PDE1C: variants seen among roughly 807,000 people sequenced by gnomAD.
PDE1C encodes dual specificity calcium/calmodulin-dependent 3',5'-cyclic nucleotide phosphodiesterase 1C.
In PDE1C, 62 loss-of-function variants were observed where a neutral mutation model predicts 93.1. That is an observed-to-expected ratio of 0.67 (90% CI 0.54 to 0.82). The LOEUF (loss-of-function observed/expected upper bound fraction) is 0.82, where lower values mean the gene tolerates loss of function less well. Ranked by LOEUF, PDE1C falls within the 40% of genes least tolerant of loss-of-function variation. PDE1C has a pLI of 0.00. For missense variants in PDE1C, 742 were observed against 884.6 expected (o/e 0.84, Z 2.04); for synonymous variants, 325 against 310.1 (o/e 1.05, Z -0.50).
At chr7:32,372,386 T>TG (rs1200240946) in intron 1 of PDE1C, among the ~76,000 whole-genome samples, 2 of 152,106 alleles carry the variant, frequency 1.3e-5, no homozygotes, top group African/African-American at 2.4e-5. Flanking sequence ...GACAATTCAA[T>TG]GGGGAAAGAA....
the PDE1C span, among the ~76,000 whole-genome samples, chr7:31,642,472 T>G: frequency 6.6e-6 from 1 of 152,214 alleles, no homozygotes; most frequent in African/African-American, 2.4e-5. Context: ...CCGGAAAGTG[T>G]GGCCTTCCTT....
rs149825921 is a variant in PDE1C at position 31,762,255 on chromosome 7, T to C, written c.1961-8702A>G. ...TTACTTTCGTGCCATGTGCGTTAGA[T>C]GTAGTGTCGTCTAAGGTGATAATCT... On this transcript the variant is annotated intron_variant, in intron 17 of 17. Coordinates refer to ENST00000396191, the MANE Select transcript of PDE1C (RefSeq NM_001191057.4). Among the ~76,000 whole-genome samples, 144 of 152,354 alleles carry C rather than the reference T, an allele frequency of 9.5e-4. 1 individual carries two copies. The highest frequency in any genetic ancestry group is 3.3e-3 in the African/African-American group (138 of 41,588).
chr7:31,651,018 A>C, the PDE1C span: 1 of 1,008,818 alleles, frequency 9.9e-7, no homozygotes. Flanking sequence ...CCTCCCCCTT[A>C]TATTAGCAGT....
At chr7:31,849,015 T>G (rs916081477) in intron 8 of PDE1C, among the ~76,000 whole-genome samples, 6 of 152,334 alleles carry the variant, frequency 3.9e-5, no homozygotes. Flanking sequence ...TTGGATAAAG[T>G]TCTGTTGAAC....
the PDE1C span, among the ~76,000 whole-genome samples, chr7:31,675,037 C>G: frequency 6.6e-6 from 1 of 152,212 alleles, no homozygotes; most frequent in Non-Finnish European, 1.5e-5. Flanking sequence ...GGGCTGTTTT[C>G]TGCATCAAGC....
intron 3 of PDE1C, among the ~76,000 whole-genome samples, chr7:32,084,143 A>T (rs1223157954): frequency 6.6e-6 from 1 of 152,134 alleles, no homozygotes; most frequent in Non-Finnish European, 1.5e-5. Flanking sequence ...CTCAAGATAA[A>T]AGGATGGAGG....
At chr7:31,797,302 T>C (rs1785423530) in intron 16 of PDE1C, among the ~76,000 whole-genome samples, 1 of 151,746 alleles carries the variant, frequency 6.6e-6, no homozygotes, top group Admixed American at 6.6e-5. Flanking sequence ...AATTCCTTCA[T>C]TAAAGAAATG....
chr7:32,254,802 G>A lies in PDE1C; in HGVS notation c.85+43849C>T, dbSNP rs529487787. Among the ~76,000 whole-genome samples, 3 of 152,212 alleles carry A rather than the reference G, an allele frequency of 2.0e-5. No homozygotes were observed. In the South Asian group the frequency reaches 6.2e-4, roughly 32 times the overall value. On this transcript the variant is annotated intron_variant, in intron 1 of 18. Transcript: ENST00000396193. The stretch of plus-strand genomic sequence containing the variant: ...ACCAAGGAGTTATACTCCACTCCAA[G>A]AAGGGCTGCACTACTCAGGGGTCTA...
chr7:31,669,637 G>A, the PDE1C span, among the ~76,000 whole-genome samples: 5 of 152,222 alleles, frequency 3.3e-5, no homozygotes, highest in Admixed American at 6.5e-5. Flanking sequence ...GAACAATAAG[G>A]CAGAAAAATA....
chr7:31,691,991 TCTC>T, the PDE1C span, among the ~76,000 whole-genome samples: 2 of 152,132 alleles, frequency 1.3e-5, no homozygotes, highest in African/African-American at 2.4e-5. Context: ...TGAGCCTCTG[TCTC>T]CTCATCTGTG....
intron 1 of PDE1C, among the ~76,000 whole-genome samples, chr7:32,308,809 C>G (rs948354765): frequency 6.6e-6 from 1 of 152,020 alleles, no homozygotes; most frequent in Admixed American, 6.5e-5. Flanking sequence ...AAAAACAGAG[C>G]AGAAAAACTG....
At chr7:32,062,735 G>C (rs1392533788) in intron 1 of PDE1C, among the ~76,000 whole-genome samples, 1 of 152,130 alleles carries the variant, frequency 6.6e-6, no homozygotes, top group African/African-American at 2.4e-5. Context: ...AACATCCCCC[G>C]AGGGAGGGAG....
intron 2 of PDE1C, among the ~76,000 whole-genome samples, chr7:32,192,667 C>G (rs948820847): frequency 6.6e-6 from 1 of 152,060 alleles, no homozygotes; most frequent in African/African-American, 2.4e-5. Context: ...AACTGTTCTA[C>G]TTCCTACGAT....
chr7:31,725,101 C>T, the PDE1C span, among the ~76,000 whole-genome samples: 1 of 152,082 alleles, frequency 6.6e-6, no homozygotes, highest in Non-Finnish European at 1.5e-5. Context: ...GCCTTGCCAC[C>T]CTCATCTCCC....
At chr7:31,683,957 T>C in the PDE1C span, among the ~76,000 whole-genome samples, 1 of 152,224 alleles carries the variant, frequency 6.6e-6, no homozygotes, top group Admixed American at 6.5e-5. Context: ...AAAGGGCTCT[T>C]GGACTACAAA....
At chr7:32,170,805 C>T (rs1488370627) in intron 2 of PDE1C, among the ~76,000 whole-genome samples, 1 of 149,776 alleles carries the variant, frequency 6.7e-6, no homozygotes, top group Non-Finnish European at 1.5e-5. Context: ...GTCCTCCTTC[C>T]AGGGGTGTGC....
chr7:31,702,737 G>A, the PDE1C span, among the ~76,000 whole-genome samples: 314 of 152,164 alleles, frequency 2.1e-3, no homozygotes, highest in Non-Finnish European at 3.6e-3. Flanking sequence ...TTATGTTTCT[G>A]GTATTGATCT....
chr7:32,268,751 G>A (rs1014739130), intron 1 of PDE1C, among the ~76,000 whole-genome samples: 3 of 152,128 alleles, frequency 2.0e-5, no homozygotes, highest in Non-Finnish European at 2.9e-5. Flanking sequence ...TAGGATAATA[G>A]GTAACATTCC....
At chr7:31,822,715 T>G (rs1358746516) in intron 14 of PDE1C, among the ~76,000 whole-genome samples, 1 of 152,114 alleles carries the variant, frequency 6.6e-6, no homozygotes, top group African/African-American at 2.4e-5. Context: ...GGTCTTTACT[T>G]AGGTAAAAGA....
Sources: allele counts gnomAD v4.1 joint callset (sites outside exome capture counted in the v4.1 genomes callset), GRCh38; gene constraint gnomAD v4.1.1; transcripts MANE v1.5; gene names NCBI Gene and HGNC (gene_info 2026-07-23, HGNC 2026-07-21).